Variants in MSRA observed in about 807,000 individuals in gnomAD.
The protein encoded by MSRA is mitochondrial peptide methionine sulfoxide reductase.
Under a neutral mutation model 31.3 loss-of-function variants are expected in MSRA, and 54 were observed. The ratio of observed to expected loss-of-function variants is 1.73; its 90% confidence interval spans 1.39 to 2.17. The LOEUF is 2.17. Among genes scored for constraint, MSRA ranks in the 30% most tolerant of loss-of-function variants. The pLI, the probability that MSRA is intolerant of heterozygous loss-of-function variation, is 0.00. For missense variants in MSRA, 507 were observed against 300.9 expected, an observed-to-expected ratio of 1.69 and a Z score of -5.07; for synonymous variants, 169 against 116.5, an observed-to-expected ratio of 1.45 and a Z score of -2.90.
intron 2 of MSRA, among the ~76,000 whole-genome samples, chr8:10,236,276 A>G (rs956170353): frequency 2.6e-5 from 4 of 152,196 alleles, no homozygotes; most frequent in African/African-American, 9.6e-5. Flanking sequence ...ACAATGAGAT[A>G]AAGGCAGGAG....
At chr8:10,340,557 G>C (rs1179417934) in intron 5 of MSRA, among the ~76,000 whole-genome samples, 1 of 152,232 alleles carries the variant, frequency 6.6e-6, no homozygotes, top group Non-Finnish European at 1.5e-5. Flanking sequence ...ATTTTTGGTA[G>C]AGACAGGGCC....
intron 3 of MSRA, among the ~76,000 whole-genome samples, chr8:10,271,837 G>T (rs2975664): frequency 1.3e-5 from 2 of 151,488 alleles, no homozygotes; most frequent in African/African-American, 4.9e-5. Context: ...TCTTGCCTCA[G>T]CCTCTCAAGT....
intron 5 of MSRA, among the ~76,000 whole-genome samples, chr8:10,363,092 AT>A (rs953187941): frequency 3.3e-5 from 5 of 152,124 alleles, no homozygotes; most frequent in African/African-American, 9.7e-5. Flanking sequence ...TGAGCAAAAC[AT>A]TTTCCCCCCA....
At chr8:10,088,603 C>T (rs1268062904) in intron 1 of MSRA, among the ~76,000 whole-genome samples, 1 of 152,092 alleles carries the variant, frequency 6.6e-6, no homozygotes, top group East Asian at 1.9e-4. Flanking sequence ...AGTGTGGTGG[C>T]TGCATGCTTG....
chr8:10,337,798 A>T (rs1364242995), intron 5 of MSRA: 13 of 702,468 alleles, frequency 1.9e-5, no homozygotes, highest in Non-Finnish European at 3.4e-5. Context: ...CTTCAAGAAA[A>T]CATTATTAAA....
intron 1 of MSRA, among the ~76,000 whole-genome samples, chr8:10,101,764 A>T (rs550248375): frequency 1.7e-4 from 26 of 152,312 alleles, no homozygotes; most frequent in African/African-American, 6.0e-4. Flanking sequence ...TGGACAGACC[A>T]CATTTTCTTT....
At chr8:10,359,625 G>A (rs901804240) in intron 5 of MSRA, among the ~76,000 whole-genome samples, 1 of 152,002 alleles carries the variant, frequency 6.6e-6, no homozygotes, top group Non-Finnish European at 1.5e-5. Flanking sequence ...TTTGACCAGA[G>A]TATTTACTGC....
rs1448031427 is a variant in MSRA at position 10,319,889 on chromosome 8, G to A, written c.443G>A (p.Arg148His). 8 of 1,543,864 alleles carry A rather than the reference G, an allele frequency of 5.2e-6. No homozygotes were observed. Among genetic ancestry groups the A allele is most frequent in the East Asian group, 4.8e-5 (2 of 41,906 alleles). ...CTGTTTTCTGCTTTCCTAGGTATGCGCCAGGGGAACGACCATGGCACTCAG... is the reference window on the plus strand; with the variant it reads ...CTGTTTTCTGCTTTCCTAGGTATGCACCAGGGGAACGACCATGGCACTCAG... ...WENHDPTQGM[R>H]QGNDHGTQYR... Residue 148 changes from arginine (R) to histidine (H), a missense_variant, in exon 5 of 6, where the codon CGC becomes CAC. Physicochemically the swap from Arg to His is conservative, Grantham distance 29. Coordinates refer to ENST00000317173, the MANE Select transcript of MSRA (RefSeq NM_012331.5).
intron 2 of MSRA, among the ~76,000 whole-genome samples, chr8:10,211,205 G>A (rs977196734): frequency 9.2e-5 from 14 of 152,150 alleles, no homozygotes; most frequent in Admixed American, 8.5e-4. Flanking sequence ...GTGGGATAAA[G>A]GCATTCCAGT....
intron 1 of MSRA, among the ~76,000 whole-genome samples, chr8:10,171,134 C>T (rs1053955686): frequency 2.0e-5 from 3 of 152,166 alleles, no homozygotes; most frequent in Non-Finnish European, 2.9e-5. Flanking sequence ...ACTGACTTTC[C>T]TCCTATACCT....
chr8:10,308,410 C>T (rs771271115), intron 4 of MSRA, among the ~76,000 whole-genome samples: 3 of 152,162 alleles, frequency 2.0e-5, no homozygotes, highest in African/African-American at 4.8e-5. Context: ...GCGGACAGGC[C>T]TCATTTCTCT....
intron 3 of MSRA, among the ~76,000 whole-genome samples, chr8:10,289,811 C>T (rs1044467716): frequency 2.6e-5 from 4 of 152,164 alleles, no homozygotes; most frequent in Non-Finnish European, 5.9e-5. Flanking sequence ...GCTTGGAGAG[C>T]CGTCCATGTT....
intron 5 of MSRA, among the ~76,000 whole-genome samples, chr8:10,340,319 A>G (rs1585522918): frequency 6.6e-6 from 1 of 152,184 alleles, no homozygotes; most frequent in Non-Finnish European, 1.5e-5. Context: ...AAAAAAATGT[A>G]TATCCGAATT....
chr8:10,195,246 TTTTG>T (rs1001751850), intron 1 of MSRA, among the ~76,000 whole-genome samples: 46 of 152,324 alleles, frequency 3.0e-4, no homozygotes, highest in African/African-American at 1.1e-3. Context: ...TTCCTATCTT[TTTTG>T]TTTGTTTGTT....
intron 4 of MSRA, among the ~76,000 whole-genome samples, chr8:10,304,294 G>T (rs1446478561): frequency 6.6e-6 from 1 of 152,194 alleles, no homozygotes; most frequent in Admixed American, 6.5e-5. Context: ...CGGCCTCTTG[G>T]TTAATGCACA....
intron 1 of MSRA, among the ~76,000 whole-genome samples, chr8:10,186,926 T>C (rs1807106887): frequency 6.6e-6 from 1 of 152,234 alleles, no homozygotes; most frequent in African/African-American, 2.4e-5. Flanking sequence ...TCTTTTTGTG[T>C]GAGCTGTCAT....
At chr8:10,323,975 A>G (rs561641079) in intron 5 of MSRA, among the ~76,000 whole-genome samples, 47 of 152,354 alleles carry the variant, frequency 3.1e-4, no homozygotes, top group African/African-American at 1.1e-3. Flanking sequence ...GGTTTTGCAT[A>G]AATAAAACTG....
At chr8:10,374,440 T>G (rs1293134407) in intron 5 of MSRA, among the ~76,000 whole-genome samples, 1 of 152,114 alleles carries the variant, frequency 6.6e-6, no homozygotes, top group Non-Finnish European at 1.5e-5. Flanking sequence ...CTGGGTACCG[T>G]GCATATGAGT....
At chr8:10,133,141 T>A (rs181030003) in intron 1 of MSRA, among the ~76,000 whole-genome samples, 1 of 152,056 alleles carries the variant, frequency 6.6e-6, no homozygotes, top group African/African-American at 2.4e-5. Flanking sequence ...GTTGATGAGG[T>A]ATATATTTCA....
Sources: allele counts gnomAD v4.1 joint callset (sites outside exome capture counted in the v4.1 genomes callset), GRCh38; gene constraint gnomAD v4.1.1; transcripts MANE v1.5; gene names NCBI Gene and HGNC (gene_info 2026-07-23, HGNC 2026-07-21).